TNKS: variants seen among roughly 807,000 people sequenced by gnomAD.
The protein encoded by TNKS is poly [ADP-ribose] polymerase tankyrase-1.
In TNKS, 72 loss-of-function variants were observed where a neutral mutation model predicts 135.8. The observed-to-expected ratio is 0.53, with a 90% CI of 0.44 to 0.64. The LOEUF is 0.64. Among genes scored for constraint, TNKS ranks in the 30% least tolerant of loss-of-function variants. The pLI, the probability that TNKS is intolerant of heterozygous loss-of-function variation, is 0.00. For synonymous variants in TNKS, 849 were observed against 649.3 expected (o/e 1.31, Z -4.68); for missense variants, 1,769 against 1,674.0 (o/e 1.06, Z -0.99).
In TNKS at chr8:9,720,404, G is replaced by A. The variant is rs773344038; in HGVS notation, c.1780G>A (p.Ala594Thr). 1 of 1,613,392 alleles carries A rather than the reference G, an allele frequency of 6.2e-7. No individual in the cohort carries two copies. Among genetic ancestry groups the A allele is most frequent in the South Asian group, 1.1e-5 (1 of 90,996 alleles). ...TGCACTGGACACCCTTGGTCAGACT[G>A]CTTTGCATAGAGCCGCCCTAGCAGG... ...MNALDTLGQT[A>T]LHRAALAGHL... Residue 594 changes from alanine (A) to threonine (T), a missense_variant, in exon 12 of 27, where the codon GCT (alanine) becomes ACT (threonine). This residue lies in a region of TNKS where 523 missense variants were observed against 541.0 expected (regional missense o/e 0.97). Coordinates refer to ENST00000310430, the MANE Select transcript of TNKS (RefSeq NM_003747.3).
chr8:9,645,050 C>T (rs76305778), intron 3 of TNKS, among the ~76,000 whole-genome samples: 1 of 152,278 alleles, frequency 6.6e-6, no homozygotes, highest in African/African-American at 2.4e-5. Context: ...CATTTTATTA[C>T]ACAAAGTTAA....
intron 25 of TNKS, among the ~76,000 whole-genome samples, chr8:9,768,331 A>C (rs1282897062): frequency 2.0e-5 from 3 of 152,240 alleles, no homozygotes; most frequent in Non-Finnish European, 2.9e-5. Flanking sequence ...TAGTGAGTGC[A>C]GTCGATTGCC....
chr8:9,581,725 C>T (rs1300232782), intron 2 of TNKS, among the ~76,000 whole-genome samples: 1 of 152,170 alleles, frequency 6.6e-6, no homozygotes, highest in Non-Finnish European at 1.5e-5. Flanking sequence ...AAAATATTAT[C>T]CTTTCCAGGC....
intron 3 of TNKS, among the ~76,000 whole-genome samples, chr8:9,670,480 G>C (rs1802225681): frequency 6.6e-6 from 1 of 152,028 alleles, no homozygotes; most frequent in Non-Finnish European, 1.5e-5. Flanking sequence ...CCTAATGTCA[G>C]CTTTATTGTG....
chr8:9,733,563 C>G (rs1246379026), intron 15 of TNKS, 119 bp downstream of exon 15: 1 of 795,998 alleles, frequency 1.3e-6, no homozygotes, highest in Non-Finnish European at 1.9e-6. Context: ...AGACTGCTCT[C>G]ATTTTCTATT....
Position 9,556,423 on chromosome 8 carries a change from A to G in TNKS, c.484A>G (p.Thr162Ala), listed in dbSNP as rs773085122. The change falls in exon 1 of 27, where the codon ACA becomes GCA. Residue 162 changes from threonine (T) to alanine (A), a missense_variant. Thr to Ala is a moderately conservative substitution (Grantham distance 58). This residue lies in a region of TNKS where 450 missense variants were observed against 304.9 expected (regional missense o/e 1.48). Transcript: ENST00000310430. ...CCCCGAGGCGGCCGGAGTTAGCAGCACAGCACCACTGGGGCCTGGGGCAGC... is the reference window on the plus strand; with the variant it reads ...CCCCGAGGCGGCCGGAGTTAGCAGCGCAGCACCACTGGGGCCTGGGGCAGC... ...ESPEAAGVSS[T>A]APLGPGAAGP... is the part of the protein sequence containing the mutation. 3.1e-6 allele frequency: 5 copies of G among 1,614,040 alleles called. No homozygotes were observed. The highest frequency in any genetic ancestry group is 1.1e-5 in the South Asian group (1 of 91,090).
Position 9,765,769 on chromosome 8 carries a change from C to T in TNKS, c.3525C>T (p.Asn1175=), listed in dbSNP as rs1383775927. 2.5e-6 allele frequency: 4 copies of T among 1,613,962 alleles called. No homozygotes were observed. In the Admixed American group the frequency reaches 6.7e-5, roughly 27 times the overall value. Residue 1175 remains asparagine, a synonymous_variant, in exon 24 of 27, where the codon AAC becomes AAT. Coordinates refer to ENST00000310430, the MANE Select transcript of TNKS (RefSeq NM_003747.3). The part of the protein sequence containing the change: ...RQKEVSEENH[N]HHNERMLFHG... ...AGGAAGTGTCTGAGGAGAATCACAACCATCACAATGAGCGCATGTTGTTTC... is the reference window on the plus strand; with the variant it reads ...AGGAAGTGTCTGAGGAGAATCACAATCATCACAATGAGCGCATGTTGTTTC...
chr8:9,625,248 T>G (rs893204927), intron 3 of TNKS, among the ~76,000 whole-genome samples: 9 of 152,014 alleles, frequency 5.9e-5, no homozygotes, highest in Non-Finnish European at 1.0e-4. Context: ...ATTTGGTGCC[T>G]GCAGGGTCTG....
Position 9,776,835 on chromosome 8 carries a change from C to A in TNKS, c.*99C>A. ...ACATCAATATTCTAGAAGTCCCTGA[C>A]AGCCTAGAAATAAGCTGTTTGTCTT... is the stretch of plus-strand genomic sequence containing the variant. On this transcript the variant is annotated 3_prime_UTR_variant, in exon 27 of 27. Coordinates refer to ENST00000310430, the MANE Select transcript of TNKS (RefSeq NM_003747.3). 1 of 1,184,916 alleles carries A rather than the reference C, an allele frequency of 8.4e-7. No homozygotes were observed. Among genetic ancestry groups the A allele is most frequent in the Non-Finnish European group, 1.2e-6 (1 of 815,502 alleles). The allele number at this position is 1,184,916 out of a possible 1,614,324, so 73.4% of individuals were successfully genotyped here.
chr8:9,612,073 A>G (rs1334741547), intron 2 of TNKS, among the ~76,000 whole-genome samples: 2 of 152,162 alleles, frequency 1.3e-5, no homozygotes, highest in Non-Finnish European at 2.9e-5. Context: ...GACCGCTCCT[A>G]AAATATGTAG....
At position 9,751,618 on chromosome 8, in the gene TNKS, A is replaced by T. The variant is rs773018592; in HGVS notation, c.2842A>T (p.Ile948Phe). ...TTAATCATTTTTTTAGGCTGACGATATCAGAGCTTTGCTGATAGATGCCAT... is the reference window on the plus strand; with the variant it reads ...TTAATCATTTTTTTAGGCTGACGATTTCAGAGCTTTGCTGATAGATGCCAT... The part of the protein sequence containing the change: ...TPLDLATADD[I>F]RALLIDAMPP... Residue 948 changes from isoleucine (I) to phenylalanine (F), a missense_variant, in exon 19 of 27, where the codon ATC (isoleucine) becomes TTC (phenylalanine). Ile to Phe is a conservative substitution (Grantham distance 21). Transcript: ENST00000310430. The T allele has an allele frequency of 1.2e-6, 2 of 1,613,848 alleles. No homozygotes were observed. The highest frequency in any genetic ancestry group is 1.7e-6 in the Non-Finnish European group (2 of 1,179,902).
intron 12 of TNKS, among the ~76,000 whole-genome samples, chr8:9,721,077 C>T (rs1214711541): frequency 6.6e-6 from 1 of 151,764 alleles, no homozygotes; most frequent in Non-Finnish European, 1.5e-5. Context: ...GACAGGAGAT[C>T]GAGACCATCT....
chr8:9,781,222 C>T lies in TNKS; in HGVS notation c.*4486C>T, dbSNP rs1162322206. On this transcript the variant is annotated 3_prime_UTR_variant, in exon 27 of 27. Coordinates refer to ENST00000310430, the MANE Select transcript of TNKS (RefSeq NM_003747.3). ...TTGCTTTACACTTCACGTCTTCGCA[C>T]CTGCCCTACCTCCCATCCTTTCAAA... The T allele has an allele frequency of 1.3e-5, 2 of 152,166 alleles. No individual in the cohort carries two copies. The highest frequency in any genetic ancestry group is 2.9e-5 in the Non-Finnish European group (2 of 68,038). 9.4% of individuals were successfully genotyped at this position (152,166 alleles called of 1,614,324 possible).
chr8:9,656,219 C>T (rs975220219), intron 3 of TNKS, among the ~76,000 whole-genome samples: 10 of 152,140 alleles, frequency 6.6e-5, no homozygotes, highest in African/African-American at 2.4e-4. Flanking sequence ...AACAAAGCCT[C>T]CAAGAAATAT....
intron 25 of TNKS, among the ~76,000 whole-genome samples, chr8:9,769,612 C>CTTTTTTTTTT (rs1163803220): frequency 9.5e-5 from 7 of 73,464 alleles, no homozygotes; most frequent in Non-Finnish European, 9.7e-5. Flanking sequence ...CAGGCATTTT[C>CTTTTTTTTTT]TTTTTTTTTT....
rs564881303 is a variant in TNKS, at chr8:9,574,972, A to G, written c.674-5187A>G. ...ACTGTGAGGTAAGAAGCAAGTGGAG[A>G]TGCTAAGAATGTGGAAAGATTCTAA... On this transcript the variant is annotated intron_variant, in intron 1 of 26. Coordinates refer to ENST00000310430, the MANE Select transcript of TNKS (RefSeq NM_003747.3). 44 of 882,000 alleles carry G rather than the reference A, an allele frequency of 5.0e-5. No individual in the cohort carries two copies. The African/African-American group carries it at 7.5e-4, about 15-fold the overall frequency. The allele number at this position is 882,000 out of a possible 1,614,324, so 54.6% of individuals were successfully genotyped here.
chr8:9,614,186 C>G (rs1000665971), intron 2 of TNKS, among the ~76,000 whole-genome samples: 1 of 152,076 alleles, frequency 6.6e-6, no homozygotes, highest in African/African-American at 2.4e-5. Context: ...ATAGCTGTAC[C>G]CATTATGATG....
intron 20 of TNKS, 130 bp from the exon 21 acceptor site, chr8:9,761,386 A>ATGTT (rs1807140269): frequency 1.1e-6 from 1 of 926,368 alleles, no homozygotes; most frequent in Non-Finnish European, 1.6e-6. Flanking sequence ...TTGTAAGCTC[A>ATGTT]TGTTTATAAA....
chr8:9,666,475 T>G (rs1801993930), intron 3 of TNKS, among the ~76,000 whole-genome samples: 1 of 152,112 alleles, frequency 6.6e-6, no homozygotes, highest in South Asian at 2.1e-4. Context: ...ATCCCCGCAC[T>G]TTGGGAGGCC....
Sources: allele counts gnomAD v4.1 joint callset (sites outside exome capture counted in the v4.1 genomes callset), GRCh38; gene constraint gnomAD v4.1.1; regional missense constraint gnomAD v4.1.1; transcripts MANE v1.5; gene names NCBI Gene and HGNC (gene_info 2026-07-23, HGNC 2026-07-21).